RPS6KA1: variants seen among roughly 807,000 people sequenced by gnomAD.
RPS6KA1 encodes ribosomal protein S6 kinase A1.
A neutral mutation model predicts 91.3 loss-of-function variants in RPS6KA1; 48 were observed. The ratio of observed to expected loss-of-function variants is 0.53; its 90% CI spans 0.42 to 0.67. The LOEUF (loss-of-function observed/expected upper bound fraction) is 0.67. RPS6KA1 is among the 30% of genes least tolerant of loss of function. The probability of loss-of-function intolerance (pLI) is 0.00; values close to 1 mark genes in which losing one functional copy is unlikely to be tolerated. For synonymous variants in RPS6KA1, 359 were observed against 384.7 expected, an observed-to-expected ratio of 0.93 and a Z score of 0.78; for missense variants, 719 against 960.5, an observed-to-expected ratio of 0.75 and a Z score of 3.32.
chr1:26,546,015 T>C, intron 2 of RPS6KA1: 1 of 1,611,750 alleles, frequency 6.2e-7, no homozygotes. Flanking sequence ...TGGCCCTGGC[T>C]CTGGCCCCCA....
intron 2 of RPS6KA1, among the ~76,000 whole-genome samples, chr1:26,541,276 C>T (rs573790708): frequency 2.7e-5 from 4 of 146,316 alleles, no homozygotes; most frequent in East Asian, 2.1e-4. Flanking sequence ...AAAAAAATGC[C>T]GGACACAGTG....
Position 26,563,665 on chromosome 1 carries a change from G to A in RPS6KA1, c.1590+2002G>A, listed in dbSNP as rs188054687. Among the ~76,000 whole-genome samples, 265 of 152,294 alleles carry A rather than the reference G, an allele frequency of 1.7e-3. 2 individuals are homozygous for A. The highest frequency in any genetic ancestry group is 3.5e-3 in the South Asian group (17 of 4,824). On this transcript the variant is annotated intron_variant, in intron 17 of 21. Transcript: ENST00000374168. The stretch of plus-strand genomic sequence containing the variant: ...CCCTTTTTTATGCCACCGACATATT[G>A]TATATGAGTTCTGTGGAATGTCTCA...
intron 21 of RPS6KA1, 140 bp from the exon 22 acceptor site, chr1:26,573,939 A>AAT (rs2076272899): frequency 3.4e-6 from 3 of 893,158 alleles, no homozygotes; most frequent in Non-Finnish European, 4.8e-6. Flanking sequence ...CTGTATCTCA[A>AAT]AAAAAAAAAA....
Position 26,574,229 on chromosome 1 carries a change from G to A in RPS6KA1, c.*28G>A, listed in dbSNP as rs1169001020. The A allele has an allele frequency of 2.0e-5, 32 of 1,613,516 alleles. No homozygotes were observed. Among genetic ancestry groups the A allele is most frequent in the South Asian group, 3.3e-5 (3 of 91,050 alleles). ...CACCAGGGCATTCGGGCCACAGGGC[G>A]GTGCTAGCTTGACACAGTCAGCATG... On this transcript the variant is annotated 3_prime_UTR_variant, in exon 22 of 22. Coordinates refer to ENST00000374168, the MANE Select transcript of RPS6KA1 (RefSeq NM_002953.4). The surrounding 1 kb of genome is among the most constrained non-coding windows in gnomAD (Gnocchi z 4.3).
In RPS6KA1 at chr1:26,574,507, A is replaced by G; in HGVS notation, c.*306A>G. On this transcript the variant is annotated 3_prime_UTR_variant, in exon 22 of 22. Transcript: ENST00000374168. This position sits in a 1 kb window ranked among gnomAD's most constrained non-coding sequence, Gnocchi z 4.3. Reference sequence around the variant, plus strand: ...CATTTGCCTTTCTGGGAGCAGAAACAGCCATTGCGGCCCCAGGAGGGGAAC... The same window carrying G: ...CATTTGCCTTTCTGGGAGCAGAAACGGCCATTGCGGCCCCAGGAGGGGAAC... The G allele has an allele frequency of 1.9e-6, 1 of 520,372 alleles. No homozygotes were observed. The highest frequency in any genetic ancestry group is 1.5e-5 in the South Asian group (1 of 65,386). 32.2% of individuals were successfully genotyped at this position (520,372 alleles called of 1,614,324 possible).
rs1278601658 is a variant in RPS6KA1, at chr1:26,529,941, G to C, written c.21G>C (p.Lys7Asn). 6.3e-6 allele frequency: 9 copies of C among 1,434,268 alleles called. No homozygotes were observed. The highest frequency in any genetic ancestry group is 8.2e-6 in the Non-Finnish European group (9 of 1,094,844). The allele number at this position is 1,434,268 out of a possible 1,614,324, so 88.8% of individuals were successfully genotyped here. A position where few individuals can be genotyped will look rare whatever the true frequency, so the allele number is the denominator to read the frequency against. The change falls in exon 1 of 22, where the codon AAG (lysine) becomes AAC (asparagine). Residue 7 changes from lysine to asparagine, a missense_variant. Around this residue, in one of 5 missense-constraint regions of RPS6KA1, gnomAD observed 57 missense variants for 55.8 expected, o/e 1.02. Transcript: ENST00000374168. The surrounding 1 kb of genome is among the most constrained non-coding windows in gnomAD (Gnocchi z 4.2). MPLAQL[K>N]EPWPLMELVP... ...GCGAGATGCCGCTCGCCCAGCTCAA[G>C]GAGCCCTGGCCGCTCATGGAGCTAG... is the stretch of plus-strand genomic sequence containing the variant.
intron 2 of RPS6KA1, among the ~76,000 whole-genome samples, chr1:26,539,966 A>G (rs982573798): frequency 4.6e-5 from 7 of 152,050 alleles, no homozygotes; most frequent in Non-Finnish European, 8.8e-5. Context: ...CGGATCCCTC[A>G]TGCTCCCCTG....
intron 1 of RPS6KA1, among the ~76,000 whole-genome samples, chr1:26,532,126 C>T (rs766861134): frequency 9.9e-5 from 15 of 152,074 alleles, no homozygotes; most frequent in Admixed American, 5.9e-4. Context: ...GAAAATGGGC[C>T]GCTGGGAGGC....
intron 2 of RPS6KA1, among the ~76,000 whole-genome samples, chr1:26,539,279 C>T (rs182547151): frequency 3.9e-5 from 6 of 152,164 alleles, no homozygotes; most frequent in Admixed American, 1.3e-4. Context: ...TGGTCATTGC[C>T]GTGCATGGCC....
At chr1:26,562,074 G>A (rs1347684767) in intron 17 of RPS6KA1, among the ~76,000 whole-genome samples, 1 of 152,024 alleles carries the variant, frequency 6.6e-6, no homozygotes, top group Non-Finnish European at 1.5e-5. Flanking sequence ...TGTGGTGGGG[G>A]GCATCTGTAA....
Position 26,532,183 on chromosome 1 carries a change from C to T in RPS6KA1, c.63+2200C>T, listed in dbSNP as rs1055454639. Among the ~76,000 whole-genome samples the T allele has an allele frequency of 2.0e-5, 3 of 152,082 alleles. No individual in the cohort carries two copies. In the South Asian group the frequency reaches 6.2e-4, roughly 32 times the overall value. ...CCCAGGTGGAGTAATCTATGGGAAG[C>T]GTGGGTGAGGATTCTGCCTGGGCCT... On this transcript the variant is annotated intron_variant, in intron 1 of 21. Transcript: ENST00000374168.
At chr1:26,532,050 G>A (rs186153202) in intron 1 of RPS6KA1, among the ~76,000 whole-genome samples, 48 of 152,308 alleles carry the variant, frequency 3.2e-4, no homozygotes, top group Admixed American at 1.8e-3. Context: ...GGCAGGTGAG[G>A]GGCTGGTGGG....
In RPS6KA1 at chr1:26,555,001, G is replaced by T; in HGVS notation, c.757-150G>T. ...GCTCCTGGTGGTCTGGTTGGCAGAG[G>T]CAAGAGGGACGGGCATAATTCTTGC... is the stretch of plus-strand genomic sequence containing the variant. On this transcript the variant is annotated intron_variant, in intron 9 of 21. Coordinates refer to ENST00000374168, the MANE Select transcript of RPS6KA1 (RefSeq NM_002953.4). The surrounding 1 kb of genome is among the most constrained non-coding windows in gnomAD (Gnocchi z 4.3). 1.1e-6 allele frequency: 1 copy of T among 884,318 alleles called. No individual in the cohort carries two copies. Among genetic ancestry groups the T allele is most frequent in the South Asian group, 1.6e-5 (1 of 61,624 alleles). 54.8% of individuals were successfully genotyped at this position (884,318 alleles called of 1,614,324 possible).
At chr1:26,572,010 A>G in intron 19 of RPS6KA1, 85 bp downstream of exon 19, 2 of 1,439,848 alleles carry the variant, frequency 1.4e-6, no homozygotes, top group South Asian at 2.3e-5. Flanking sequence ...GGAATGGCTC[A>G]GCCAGCCCCG....
At chr1:26,564,780 TTTAA>T (rs58843998) in intron 17 of RPS6KA1, among the ~76,000 whole-genome samples, 47,581 of 151,772 alleles carry the variant, frequency 0.31, 8,090 homozygotes, top group East Asian at 0.75. Flanking sequence ...CCCCTGTGCT[TTTAA>T]TTGTCATGTT....
intron 2 of RPS6KA1, 46 bp from the exon 3 acceptor site, chr1:26,546,821 G>A: frequency 6.6e-7 from 1 of 1,513,112 alleles, no homozygotes; most frequent in African/African-American, 1.4e-5. Context: ...GCCTCCTGCT[G>A]CCTGGATGGG....
At position 26,554,017 on chromosome 1, in the gene RPS6KA1, T is replaced by G; in HGVS notation, c.576-197T>G. 1 of 559,798 alleles carries G rather than the reference T, an allele frequency of 1.8e-6. No homozygotes were observed. The highest frequency in any genetic ancestry group is 3.1e-5 in the East Asian group (1 of 32,202). 34.7% of individuals were successfully genotyped at this position (559,798 alleles called of 1,614,324 possible). On this transcript the variant is annotated intron_variant, in intron 7 of 21. Transcript: ENST00000374168. This position sits in a 1 kb window ranked among gnomAD's most constrained non-coding sequence, Gnocchi z 4.6. Reference sequence around the variant, plus strand: ...CCTAATAGTACTTGCCTCACACAGTTGCTTCAAGGATTAGCAAAAAAGATA... The same window carrying G: ...CCTAATAGTACTTGCCTCACACAGTGGCTTCAAGGATTAGCAAAAAAGATA...
In RPS6KA1 at chr1:26,562,128, C is replaced by T. The variant is rs370281783; in HGVS notation, c.1590+465C>T. Among the ~76,000 whole-genome samples the T allele has an allele frequency of 1.5e-4, 23 of 152,138 alleles. No homozygotes were observed. The South Asian group carries it at 3.7e-3, about 25-fold the overall frequency. ...CTGAGGCAGAAGAGTGGCTTGAACC[C>T]GGGAGGCGGAGGTTGCAGTGAGCCA... On this transcript the variant is annotated intron_variant, in intron 17 of 21. Transcript: ENST00000374168.
chr1:26,564,394 G>A (rs1021100566), intron 17 of RPS6KA1, among the ~76,000 whole-genome samples: 1 of 152,118 alleles, frequency 6.6e-6, no homozygotes, highest in African/African-American at 2.4e-5. Context: ...GAGTAGCTGG[G>A]ACTACAGGCG....
Sources: gnomAD v4.1 joint callset for allele counts (sites outside exome capture counted in the v4.1 genomes callset) on GRCh38, gnomAD v4.1.1 for gene constraint, gnomAD v4.1.1 regional missense constraint, Gnocchi (gnomAD v3.1) non-coding constraint, MANE v1.5 for transcripts, NCBI Gene and HGNC (gene_info 2026-07-23, HGNC 2026-07-21) for gene names.